NHSL1: variants seen among roughly 807,000 people sequenced by gnomAD.
NHSL1 encodes NHS like 1, also known as NHS-like protein 1.
In NHSL1, 48 loss-of-function variants were observed where a neutral mutation model predicts 95.0. The observed-to-expected ratio is 0.51, with a 90% CI of 0.40 to 0.64. The LOEUF (loss-of-function observed/expected upper bound fraction) is 0.64, where lower values mean the gene tolerates loss of function less well. NHSL1 is among the 30% of genes least tolerant of loss of function. The pLI is 0.00. For synonymous variants in NHSL1, 783 were observed against 833.9 expected (o/e 0.94, Z 1.05); for missense variants, 1,971 against 2,077.7 (o/e 0.95, Z 1.00).
At chr6:138,624,593 C>T (rs1227009984) in intron 1 of NHSL1, among the ~76,000 whole-genome samples, 1 of 152,082 alleles carries the variant, frequency 6.6e-6, no homozygotes, top group Admixed American at 6.5e-5. Flanking sequence ...TCCCATTTTT[C>T]CTGAATGGAC....
rs377349458 is a variant in NHSL1 at position 138,432,254 on chromosome 6, G to A, written c.2091C>T (p.Asn697=). 2.3e-5 allele frequency: 35 copies of A among 1,550,392 alleles called. No homozygotes were observed. The highest frequency in any genetic ancestry group is 1.4e-4 in the African/African-American group (10 of 73,062). Residue 697 remains asparagine, a synonymous_variant, in exon 6 of 8, where the codon AAC becomes AAT. Coordinates refer to ENST00000343505, the MANE Select transcript of NHSL1 (RefSeq NM_001144060.2). This position sits in a 1 kb window ranked among gnomAD's most constrained non-coding sequence, Gnocchi z 4.4. ...GCTGGAGTGTGGCGATCAGGCTCTC[G>A]TTGAGCACCTGCCCGTTGCACTGGC... ...KSSQCNGQVL[N]ESLIATLQHS... is the part of the protein sequence containing the mutation.
chr6:138,463,285 C>T (rs573386301), intron 3 of NHSL1, among the ~76,000 whole-genome samples: 2 of 152,258 alleles, frequency 1.3e-5, no homozygotes, highest in South Asian at 4.1e-4. Context: ...TACTTCCCTG[C>T]TCAACTCCTC....
chr6:138,469,255 C>A (rs1778594134), intron 3 of NHSL1, among the ~76,000 whole-genome samples: 1 of 152,298 alleles, frequency 6.6e-6, no homozygotes, highest in Non-Finnish European at 1.5e-5. Context: ...ACGTACTATG[C>A]GGATGCACAC....
At chr6:138,471,761 TA>T (rs908354595) in intron 3 of NHSL1, among the ~76,000 whole-genome samples, 2 of 150,632 alleles carry the variant, frequency 1.3e-5, no homozygotes, top group South Asian at 2.1e-4. Context: ...TGTCTTGCCG[TA>T]AAAAAAAAGG....
intron 1 of NHSL1, among the ~76,000 whole-genome samples, chr6:138,541,804 C>T (rs780500704): frequency 5.3e-5 from 8 of 152,208 alleles, no homozygotes; most frequent in Non-Finnish European, 1.0e-4. Flanking sequence ...TGTACATTTT[C>T]AACTCTTCTA....
intron 1 of NHSL1, among the ~76,000 whole-genome samples, chr6:138,582,046 A>AC (rs1784067330): frequency 6.6e-6 from 1 of 151,722 alleles, no homozygotes; most frequent in Admixed American, 6.6e-5. Flanking sequence ...ACAGGCGTAC[A>AC]CCACCACACC....
intron 1 of NHSL1, chr6:138,650,284 G>C: frequency 4.4e-6 from 3 of 678,150 alleles, no homozygotes; most frequent in Non-Finnish European, 8.3e-6. Context: ...CCTTGGAAGA[G>C]CTGGCCCTAC....
intron 5 of NHSL1, among the ~76,000 whole-genome samples, chr6:138,434,514 C>T (rs982006781): frequency 6.6e-6 from 1 of 150,702 alleles, no homozygotes; most frequent in Non-Finnish European, 1.5e-5. Context: ...TCAAGCTACC[C>T]AGGAAAGAAC....
chr6:138,479,325 G>A (rs895573314), intron 2 of NHSL1, among the ~76,000 whole-genome samples: 2 of 152,142 alleles, frequency 1.3e-5, no homozygotes, highest in East Asian at 1.9e-4. Context: ...TTCACTTAAA[G>A]GAGACACTTG....
intron 3 of NHSL1, among the ~76,000 whole-genome samples, chr6:138,454,882 C>G (rs1204500531): frequency 6.6e-6 from 1 of 152,222 alleles, no homozygotes; most frequent in Non-Finnish European, 1.5e-5. Flanking sequence ...GGCGCCTGAG[C>G]CTTTCCATGT....
intron 1 of NHSL1, among the ~76,000 whole-genome samples, chr6:138,541,021 T>C (rs905460682): frequency 1.3e-5 from 2 of 152,164 alleles, no homozygotes; most frequent in African/African-American, 2.4e-5. Context: ...TAAAATATAG[T>C]GAAATTATTC....
intron 3 of NHSL1, among the ~76,000 whole-genome samples, chr6:138,458,828 C>CAAA (rs59461892): frequency 2.9e-4 from 36 of 124,208 alleles, no homozygotes; most frequent in African/African-American, 6.9e-4. Context: ...AAATCTGTCT[C>CAAA]AAAAAAAAAA....
At chr6:138,593,000 A>G (rs904857159) in intron 1 of NHSL1, among the ~76,000 whole-genome samples, 5 of 152,226 alleles carry the variant, frequency 3.3e-5, no homozygotes, top group East Asian at 1.9e-4. Context: ...AAACTCTGTC[A>G]TGGCAGTTCA....
At chr6:138,651,033 GTTC>G in intron 1 of NHSL1, 1 of 407,224 alleles carries the variant, frequency 2.5e-6, no homozygotes, top group Non-Finnish European at 4.8e-6. Flanking sequence ...TCGTAACAAA[GTTC>G]TTCTAAATTA....
chr6:138,682,847 C>T (rs1785530934), intron 1 of NHSL1, among the ~76,000 whole-genome samples: 1 of 152,164 alleles, frequency 6.6e-6, no homozygotes, highest in Non-Finnish European at 1.5e-5. Context: ...CCCAGTGACT[C>T]CGATGATTCA....
At chr6:138,488,148 C>G (rs983067137) in intron 2 of NHSL1, among the ~76,000 whole-genome samples, 5 of 151,998 alleles carry the variant, frequency 3.3e-5, no homozygotes, top group Admixed American at 6.6e-5. Flanking sequence ...CATGGTGGTG[C>G]ACACCTGTAG....
At chr6:138,516,350 T>C (rs1413828854) in intron 1 of NHSL1, among the ~76,000 whole-genome samples, 1 of 152,112 alleles carries the variant, frequency 6.6e-6, no homozygotes, top group African/African-American at 2.4e-5. Context: ...TTGGGCCTAT[T>C]CCTAAAGGTT....
In NHSL1 at chr6:138,423,760, A is replaced by G. The variant is rs907631494; in HGVS notation, c.*321T>C. The stretch of plus-strand genomic sequence containing the variant: ...GTACATGTTGTTTGTGTATATGTGT[A>G]TTTTTTAAAAATTAAAAAGTGTGGA... On this transcript the variant is annotated 3_prime_UTR_variant, in exon 8 of 8. Coordinates refer to ENST00000343505, the MANE Select transcript of NHSL1 (RefSeq NM_001144060.2). 1.3e-5 allele frequency: 3 copies of G among 225,940 alleles called. No homozygotes were observed. Among genetic ancestry groups the G allele is most frequent in the Non-Finnish European group, 2.5e-5 (3 of 121,966 alleles). 14.0% of individuals were successfully genotyped at this position (225,940 alleles called of 1,614,324 possible).
At chr6:138,637,463 A>G (rs1388890372) in intron 1 of NHSL1, among the ~76,000 whole-genome samples, 1 of 152,230 alleles carries the variant, frequency 6.6e-6, no homozygotes, top group African/African-American at 2.4e-5. Flanking sequence ...GTGACAACCC[A>G]CAGAATGGGA....
Sources: gnomAD v4.1 joint callset for allele counts (sites outside exome capture counted in the v4.1 genomes callset) on GRCh38, gnomAD v4.1.1 for gene constraint, Gnocchi (gnomAD v3.1) non-coding constraint, MANE v1.5 for transcripts, NCBI Gene and HGNC (gene_info 2026-07-23, HGNC 2026-07-21) for gene names.